PTPRS: variants seen among roughly 807,000 people sequenced by gnomAD.
PTPRS encodes protein tyrosine phosphatase receptor type S, also known as receptor-type tyrosine-protein phosphatase S.
PTPRS carries 63 observed loss-of-function variants against 215.3 expected under a neutral mutation model. The ratio of observed to expected loss-of-function variants is 0.29; its 90% CI spans 0.24 to 0.36. The LOEUF is 0.36. Ranked by LOEUF, PTPRS falls within the 10% of genes least tolerant of loss-of-function variation. PTPRS has a pLI of 1.00. For missense variants in PTPRS, 2,258 were observed against 2,825.8 expected (o/e 0.80, Z 4.56); for synonymous variants, 1,404 against 1,191.4 (o/e 1.18, Z -3.68).
chr19:5,212,611 A>C, intron 30 of PTPRS, 120 bp from the exon 31 acceptor site: 1 of 1,188,822 alleles, frequency 8.4e-7, no homozygotes, highest in Non-Finnish European at 1.2e-6. Context: ...TGGGAGGCCG[A>C]GGTGGGCGGA....
intron 16 of PTPRS, among the ~76,000 whole-genome samples, chr19:5,228,281 GT>G (rs1220567082): frequency 6.7e-6 from 1 of 148,874 alleles, no homozygotes; most frequent in Non-Finnish European, 1.5e-5. Flanking sequence ...GGAGGTGGAG[GT>G]TGCAGTGAGC....
rs1004413084 is a variant in PTPRS, at chr19:5,273,259, C to T, written c.379+183G>A. On this transcript the variant is annotated intron_variant, in intron 4 of 37. Coordinates refer to ENST00000262963, the MANE Select transcript of PTPRS (RefSeq NM_002850.4). ...AATTCCTTTCTTTCTTGCAAAGGCA[C>T]AATAAATCCCCACCAGTAGGCGCTG... The T allele has an allele frequency of 1.5e-5, 11 of 723,564 alleles. No homozygotes were observed. The East Asian group carries it at 2.6e-4, about 17-fold the overall frequency. The allele number at this position is 723,564 out of a possible 1,614,324, so 44.8% of individuals were successfully genotyped here.
At chr19:5,240,412 C>T (rs774297657) in intron 11 of PTPRS, 80 bp from the exon 12 acceptor site, 13 of 1,359,200 alleles carry the variant, frequency 9.6e-6, no homozygotes, top group Non-Finnish European at 1.3e-5. Context: ...AGTGTCCCCA[C>T]TAAAAGATGC....
At chr19:5,285,792 T>C (rs1253055735) in intron 2 of PTPRS, among the ~76,000 whole-genome samples, 1 of 152,206 alleles carries the variant, frequency 6.6e-6, no homozygotes. Context: ...GCTGAGTTGA[T>C]GCTGGGGAAA....
chr19:5,242,102 G>A (rs1397263827), intron 11 of PTPRS, among the ~76,000 whole-genome samples: 1 of 152,220 alleles, frequency 6.6e-6, no homozygotes, highest in African/African-American at 2.4e-5. Flanking sequence ...CCAACGTGCT[G>A]GGATTACAGG....
At chr19:5,270,293 C>T (rs2046798763) in intron 4 of PTPRS, among the ~76,000 whole-genome samples, 1 of 137,876 alleles carries the variant, frequency 7.3e-6, no homozygotes, top group Non-Finnish European at 1.6e-5. Context: ...TCCCCCTCCC[C>T]CCCACCCCCC....
Position 5,237,750 on chromosome 19 carries a change from C to G in PTPRS, c.1849+1169G>C, listed in dbSNP as rs2043596717. On this transcript the variant is annotated intron_variant, in intron 13 of 37. Coordinates refer to ENST00000262963, the MANE Select transcript of PTPRS (RefSeq NM_002850.4). This position sits in a 1 kb window ranked among gnomAD's most constrained non-coding sequence, Gnocchi z 4.2. The stretch of plus-strand genomic sequence containing the variant: ...GGCTGCCCAAGCCACAGGCCACCCT[C>G]ACTGACTCCACCTCACACAGACGCG... 6.6e-6 allele frequency among the ~76,000 whole-genome samples: 1 copy of G among 152,166 alleles called. No homozygotes were observed. The highest frequency in any genetic ancestry group is 2.4e-5 in the African/African-American group (1 of 41,440).
At chr19:5,292,162 C>A (rs1455679023) in intron 1 of PTPRS, among the ~76,000 whole-genome samples, 1 of 152,168 alleles carries the variant, frequency 6.6e-6, no homozygotes, top group Non-Finnish European at 1.5e-5. Flanking sequence ...CCTTTTCCCA[C>A]CCCAGGAACG....
Position 5,210,447 on chromosome 19 carries a change from G to A in PTPRS, c.5487+22C>T, listed in dbSNP as rs2302223. 1.5e-5 allele frequency: 24 copies of A among 1,613,836 alleles called. 1 individual carries two copies. The highest frequency in any genetic ancestry group is 6.7e-5 in the East Asian group (3 of 44,870). ...GATCACTAAGGCTCCAGCCCCTCCC[G>A]CCAGTCTGTCTCTTCACTCACCCGG... is the stretch of plus-strand genomic sequence containing the variant. On this transcript the variant is annotated intron_variant, in intron 35 of 37. Coordinates refer to ENST00000262963, the MANE Select transcript of PTPRS (RefSeq NM_002850.4). This position sits in a 1 kb window ranked among gnomAD's most constrained non-coding sequence, Gnocchi z 4.5.
In PTPRS at chr19:5,229,594, T is replaced by C; in HGVS notation, c.2246A>G (p.Gln749Arg). 1 of 1,431,670 alleles carries C rather than the reference T, an allele frequency of 7.0e-7. No homozygotes were observed. Among genetic ancestry groups the C allele is most frequent in the Non-Finnish European group, 9.2e-7 (1 of 1,092,886 alleles). The allele number at this position is 1,431,670 out of a possible 1,614,324, so 88.7% of individuals were successfully genotyped here. Residue 749 changes from glutamine (Q) to arginine (R), a missense_variant, in exon 15 of 38, where the codon CAG (glutamine) becomes CGG (arginine). Transcript: ENST00000262963. ...VLWRSPAPGR[Q>R]HGQIRGYQVH... Reference sequence around the variant, plus strand: ...CTGGTAGCCGCGGATCTGGCCGTGCTGCCGGCCGGGCGCGGGCGAGCGCCA... The same window carrying C: ...CTGGTAGCCGCGGATCTGGCCGTGCCGCCGGCCGGGCGCGGGCGAGCGCCA...
chr19:5,288,310 T>C (rs1851157654), intron 1 of PTPRS, among the ~76,000 whole-genome samples: 1 of 152,004 alleles, frequency 6.6e-6, no homozygotes, highest in Admixed American at 6.6e-5. Flanking sequence ...AATAGAGATA[T>C]GCAAAGTCAG....
At chr19:5,269,614 C>T (rs1203382857) in intron 4 of PTPRS, among the ~76,000 whole-genome samples, 1 of 151,832 alleles carries the variant, frequency 6.6e-6, no homozygotes, top group Non-Finnish European at 1.5e-5. Flanking sequence ...TCCAGGCAGC[C>T]GGAGAGGAGA....
intron 1 of PTPRS, among the ~76,000 whole-genome samples, chr19:5,326,346 G>A (rs182613524): frequency 6.6e-6 from 1 of 152,320 alleles, no homozygotes; most frequent in Non-Finnish European, 1.5e-5. Context: ...GGGTGCTCAG[G>A]CTTCAGCTTT....
intron 11 of PTPRS, among the ~76,000 whole-genome samples, chr19:5,240,757 C>T (rs1364024095): frequency 2.6e-5 from 4 of 151,070 alleles, no homozygotes; most frequent in Non-Finnish European, 5.9e-5. Context: ...GAGAATGGTG[C>T]GAACCCGGGA....
At chr19:5,252,574 CAAAAAAAAA>C (rs56215560) in intron 9 of PTPRS, among the ~76,000 whole-genome samples, 2 of 66,818 alleles carry the variant, frequency 3.0e-5, no homozygotes, top group East Asian at 1.1e-3. Context: ...GAGATTCTGT[CAAAAAAAAA>C]AAAAAAAAAA....
rs2049070066 is a variant in PTPRS at position 5,294,559 on chromosome 19, G to T, written c.-94-8325C>A. On this transcript the variant is annotated intron_variant, in intron 1 of 37. Transcript: ENST00000262963. The surrounding 1 kb of genome is among the most constrained non-coding windows in gnomAD (Gnocchi z 5.1). ...GGGAGACACACAGGCGGCTGTGAGA[G>T]CCCAGCAGAAACAATTCCGCTCCCA... 1 of 152,190 alleles carries T rather than the reference G, an allele frequency of 6.6e-6. No individual in the cohort carries two copies. The highest frequency in any genetic ancestry group is 1.5e-5 in the Non-Finnish European group (1 of 68,042). The allele number at this position is 152,190 out of a possible 1,614,324, so 9.4% of individuals were successfully genotyped here.
At chr19:5,297,559 C>T (rs566921638) in intron 1 of PTPRS, among the ~76,000 whole-genome samples, 8 of 152,150 alleles carry the variant, frequency 5.3e-5, no homozygotes, top group East Asian at 3.9e-4. Context: ...AACATAAGGC[C>T]GGGCAGTGCT....
chr19:5,237,419 C>T lies in PTPRS; in HGVS notation c.1849+1500G>A, dbSNP rs754165104. Among the ~76,000 whole-genome samples the T allele has an allele frequency of 5.3e-5, 8 of 152,368 alleles. No homozygotes were observed. The highest frequency in any genetic ancestry group is 1.9e-4 in the East Asian group (1 of 5,180). ...TGTCCTGGGCCGCCCCGGAGGTTCG[C>T]GTGGCTGGGCCGAAGCCGCTTTCTA... On this transcript the variant is annotated intron_variant, in intron 13 of 37. Coordinates refer to ENST00000262963, the MANE Select transcript of PTPRS (RefSeq NM_002850.4). The surrounding 1 kb of genome is among the most constrained non-coding windows in gnomAD (Gnocchi z 4.2).
At chr19:5,277,877 C>G (rs7250190) in intron 2 of PTPRS, 806,523 of 1,021,682 alleles carry the variant, frequency 0.79, 321,312 homozygotes, top group Middle Eastern at 0.84. Flanking sequence ...GTTCGCAGAA[C>G]GTTCAAGGGC....
Sources: allele counts gnomAD v4.1 joint callset (sites outside exome capture counted in the v4.1 genomes callset), GRCh38; gene constraint gnomAD v4.1.1; non-coding constraint Gnocchi (gnomAD v3.1); transcripts MANE v1.5; gene names NCBI Gene and HGNC (gene_info 2026-07-23, HGNC 2026-07-21).